The following KCNJ3 variants were observed in gnomAD, a reference collection of about 807,000 sequenced individuals.
KCNJ3 encodes the protein potassium inwardly rectifying channel subfamily J member 3, also known as G protein-activated inward rectifier potassium channel 1.
In KCNJ3, 4 loss-of-function variants were observed where a neutral mutation model predicts 39.2. That is an observed-to-expected ratio of 0.10 (90% CI 0.05 to 0.23). KCNJ3 has a LOEUF of 0.23. Ranked by LOEUF, KCNJ3 falls within the 10% of genes least tolerant of loss-of-function variation. The probability of loss-of-function intolerance (pLI) is 1.00; values close to 1 mark genes in which losing one functional copy is unlikely to be tolerated. For synonymous variants in KCNJ3, 230 were observed against 237.4 expected, an observed-to-expected ratio of 0.97 and a Z score of 0.29; for missense variants, 276 against 634.9, an observed-to-expected ratio of 0.43 and a Z score of 6.08.
chr2:154,779,131 G>A (rs998358521), intron 2 of KCNJ3, among the ~76,000 whole-genome samples: 1 of 151,856 alleles, frequency 6.6e-6, no homozygotes, highest in Non-Finnish European at 1.5e-5. Flanking sequence ...TTCTTGTGTG[G>A]TACAGGGAAA....
intron 2 of KCNJ3, among the ~76,000 whole-genome samples, chr2:154,818,395 C>A (rs1330800657): frequency 6.6e-6 from 1 of 151,982 alleles, no homozygotes; most frequent in Non-Finnish European, 1.5e-5. Flanking sequence ...TGTCATAGAC[C>A]AGTGTTGTTC....
chr2:154,780,365 A>C (rs535635835), intron 2 of KCNJ3, among the ~76,000 whole-genome samples: 2 of 152,288 alleles, frequency 1.3e-5, no homozygotes, highest in East Asian at 3.9e-4. Flanking sequence ...TAAATGACTT[A>C]AGTTTATCTT....
At chr2:154,844,298 T>G (rs1275838403) in intron 2 of KCNJ3, among the ~76,000 whole-genome samples, 2 of 152,134 alleles carry the variant, frequency 1.3e-5, no homozygotes, top group Non-Finnish European at 2.9e-5. Flanking sequence ...CAAATATTGT[T>G]GCCTGATCCT....
In KCNJ3 at chr2:154,834,056, A is replaced by G. The variant is rs536268625; in HGVS notation, c.920-20671A>G. Among the ~76,000 whole-genome samples the G allele has an allele frequency of 2.8e-3, 427 of 152,288 alleles. 4 individuals are homozygous for G. Among genetic ancestry groups the G allele is most frequent in the African/African-American group, 0.01 (420 of 41,558 alleles). ...AACTGGGTAAATATCAAGGAGTGCA[A>G]CTGGGTAAATATCAAGGGTTGTATG... is the stretch of plus-strand genomic sequence containing the variant. On this transcript the variant is annotated intron_variant, in intron 2 of 2. Transcript: ENST00000295101.
rs544433007 is a variant in KCNJ3, at chr2:154,706,089, T to C, written c.703-3514T>C. Reference sequence around the variant, plus strand: ...TTTCTTATAAACTAAAAGTCAAACTTAGTAATCAACTTCTTATAAATTTAA... The same window carrying C: ...TTTCTTATAAACTAAAAGTCAAACTCAGTAATCAACTTCTTATAAATTTAA... On this transcript the variant is annotated intron_variant, in intron 1 of 2. Transcript: ENST00000295101. Among the ~76,000 whole-genome samples the C allele has an allele frequency of 2.6e-5, 4 of 152,244 alleles. No individual in the cohort carries two copies. The East Asian group carries it at 7.7e-4, about 29-fold the overall frequency.
chr2:154,731,713 G>GA (rs11371355), intron 2 of KCNJ3, among the ~76,000 whole-genome samples: 67,650 of 149,218 alleles, frequency 0.45, 15,589 homozygotes, highest in African/African-American at 0.55. Context: ...TCTTGCTCTG[G>GA]AAAAAAAAAG....
intron 2 of KCNJ3, among the ~76,000 whole-genome samples, chr2:154,752,915 A>G (rs1685871413): frequency 6.6e-6 from 1 of 152,074 alleles, no homozygotes; most frequent in Admixed American, 6.5e-5. Context: ...GTGAAACAAA[A>G]CAATTATGTC....
intron 2 of KCNJ3, among the ~76,000 whole-genome samples, chr2:154,830,832 A>C (rs1687349035): frequency 6.6e-6 from 1 of 152,184 alleles, no homozygotes; most frequent in Non-Finnish European, 1.5e-5. Flanking sequence ...AATTTGATCA[A>C]GAAGTTCAGA....
At chr2:154,846,337 A>G (rs1163819524) in intron 2 of KCNJ3, among the ~76,000 whole-genome samples, 3 of 152,228 alleles carry the variant, frequency 2.0e-5, no homozygotes, top group Non-Finnish European at 2.9e-5. Flanking sequence ...TATTTAAAAT[A>G]TATCTGAACT....
intron 2 of KCNJ3, among the ~76,000 whole-genome samples, chr2:154,785,231 C>G (rs1167467323): frequency 6.6e-6 from 1 of 152,192 alleles, no homozygotes; most frequent in African/African-American, 2.4e-5. Context: ...CGAAATTCCA[C>G]AGATTGGATA....
intron 2 of KCNJ3, among the ~76,000 whole-genome samples, chr2:154,818,537 C>A (rs1263664757): frequency 1.3e-5 from 2 of 152,104 alleles, no homozygotes; most frequent in African/African-American, 4.8e-5. Flanking sequence ...TCAGTTATTT[C>A]TCAGAATTCC....
In KCNJ3 at chr2:154,726,822, CA is replaced by C. The variant is rs1370273545; in HGVS notation, c.919+17004del. Among the ~76,000 whole-genome samples the C allele has an allele frequency of 5.3e-5, 8 of 150,718 alleles. No individual in the cohort carries two copies. The East Asian group carries it at 9.8e-4, about 18-fold the overall frequency. The stretch of plus-strand genomic sequence containing the variant: ...ACACACACACACACACACACACACA[CA>C]CACACACACACATACACCATGGAAT... On this transcript the variant is annotated intron_variant, in intron 2 of 2. Coordinates refer to ENST00000295101, the MANE Select transcript of KCNJ3 (RefSeq NM_002239.4).
At chr2:154,758,347 A>T (rs1315617027) in intron 2 of KCNJ3, among the ~76,000 whole-genome samples, 1 of 152,192 alleles carries the variant, frequency 6.6e-6, no homozygotes. Flanking sequence ...GTTCCTTGGT[A>T]TCTGTAAGGG....
chr2:154,789,735 T>C (rs183417964), intron 2 of KCNJ3, among the ~76,000 whole-genome samples: 1 of 152,210 alleles, frequency 6.6e-6, no homozygotes, highest in Admixed American at 6.6e-5. Flanking sequence ...AAATCTTTGT[T>C]GATGTTCAGT....
intron 1 of KCNJ3, among the ~76,000 whole-genome samples, chr2:154,706,289 T>C (rs1685008106): frequency 6.6e-6 from 1 of 152,264 alleles, no homozygotes; most frequent in African/African-American, 2.4e-5. Flanking sequence ...AACTGCATCA[T>C]CAACAAATTG....
intron 2 of KCNJ3, among the ~76,000 whole-genome samples, chr2:154,841,406 G>GTCTC (rs1687574045): frequency 6.6e-6 from 1 of 152,038 alleles, no homozygotes; most frequent in African/African-American, 2.4e-5. Context: ...TTTTTGTTGT[G>GTCTC]TCTCTGGCAG....
intron 2 of KCNJ3, among the ~76,000 whole-genome samples, chr2:154,749,087 T>C (rs1685794611): frequency 6.6e-6 from 1 of 152,118 alleles, no homozygotes; most frequent in Non-Finnish European, 1.5e-5. Context: ...TTGTTTTTGT[T>C]TGGAATGGGC....
intron 1 of KCNJ3, among the ~76,000 whole-genome samples, chr2:154,700,964 T>C (rs1364482307): frequency 6.6e-6 from 1 of 152,148 alleles, no homozygotes; most frequent in Non-Finnish European, 1.5e-5. Flanking sequence ...ATAAATAATT[T>C]GGGTAGATCA....
intron 2 of KCNJ3, among the ~76,000 whole-genome samples, chr2:154,763,482 T>C (rs1372558519): frequency 6.6e-6 from 1 of 152,060 alleles, no homozygotes; most frequent in Non-Finnish European, 1.5e-5. Context: ...TGCTGATCCA[T>C]GTCACCATCG....
Sources: gnomAD v4.1 joint callset for allele counts (sites outside exome capture counted in the v4.1 genomes callset) on GRCh38, gnomAD v4.1.1 for gene constraint, MANE v1.5 for transcripts, NCBI Gene and HGNC (gene_info 2026-07-23, HGNC 2026-07-21) for gene names.